KIRREL3: variants seen among roughly 807,000 people sequenced by gnomAD.
KIRREL3 encodes kin of IRRE-like protein 3.
A neutral mutation model predicts 89.7 loss-of-function variants in KIRREL3; 36 were observed. The observed-to-expected ratio is 0.40, with a 90% CI of 0.31 to 0.53. The LOEUF (loss-of-function observed/expected upper bound fraction) is 0.53. KIRREL3 is among the 20% of genes least tolerant of loss of function. The probability of loss-of-function intolerance (pLI) is 0.49; values close to 1 mark genes in which losing one functional copy is unlikely to be tolerated. For synonymous variants in KIRREL3, 445 were observed against 441.4 expected, an observed-to-expected ratio of 1.01 and a Z score of -0.10; for missense variants, 864 against 1,056.6, an observed-to-expected ratio of 0.82 and a Z score of 2.53.
At chr11:126,971,540 A>T (rs1949424786) in intron 1 of KIRREL3, among the ~76,000 whole-genome samples, 1 of 152,174 alleles carries the variant, frequency 6.6e-6, no homozygotes, top group Admixed American at 6.5e-5. Context: ...CCATAAAAAT[A>T]TGATCACATT....
chr11:126,648,412 C>T (rs939864976), intron 1 of KIRREL3, among the ~76,000 whole-genome samples: 1 of 152,158 alleles, frequency 6.6e-6, no homozygotes, highest in South Asian at 2.1e-4. Flanking sequence ...TGTCCTCGGT[C>T]CCTCCCCTGC....
At chr11:126,998,998 C>G (rs531206048) in intron 1 of KIRREL3, among the ~76,000 whole-genome samples, 1 of 143,456 alleles carries the variant, frequency 7.0e-6, no homozygotes, top group East Asian at 2.2e-4. Flanking sequence ...AGAGGGTAAT[C>G]TTACCAAATG....
chr11:126,447,518 G>A (rs965688378), intron 8 of KIRREL3, among the ~76,000 whole-genome samples: 8 of 152,206 alleles, frequency 5.3e-5, no homozygotes, highest in Admixed American at 2.6e-4. Flanking sequence ...TATTACAGCC[G>A]TTCCAGCCTC....
rs1253727374 is a variant in KIRREL3 at position 126,454,643 on chromosome 11, C to T, written c.848+1706G>A. The stretch of plus-strand genomic sequence containing the variant: ...AGAAACCCAGGCCTGGCAGGTGCAG[C>T]GTGGAAGCCTAGGGCCAGGGAGTCT... On this transcript the variant is annotated intron_variant, in intron 7 of 16. Transcript: ENST00000525144. This position sits in a 1 kb window ranked among gnomAD's most constrained non-coding sequence, Gnocchi z 5.8. Among the ~76,000 whole-genome samples, 1 of 152,050 alleles carries T rather than the reference C, an allele frequency of 6.6e-6. No homozygotes were observed. Among genetic ancestry groups the T allele is most frequent in the Non-Finnish European group, 1.5e-5 (1 of 67,998 alleles).
chr11:126,898,185 A>G lies in KIRREL3; in HGVS notation c.55+102270T>C, dbSNP rs942055644. Among the ~76,000 whole-genome samples, 1 of 152,108 alleles carries G rather than the reference A, an allele frequency of 6.6e-6. No homozygotes were observed. The highest frequency in any genetic ancestry group is 2.4e-5 in the African/African-American group (1 of 41,418). ...GGACAGGTGGAAGTAAAGAGTTAGG[A>G]TCAAAGCTGTTAGTAACAAGGACAA... On this transcript the variant is annotated intron_variant, in intron 1 of 16. Transcript: ENST00000525144. The surrounding 1 kb of genome is among the most constrained non-coding windows in gnomAD (Gnocchi z 4.9).
rs763206444 is a variant in KIRREL3, at chr11:126,594,472, A to G, written c.56-31560T>C. On this transcript the variant is annotated intron_variant, in intron 1 of 16. Transcript: ENST00000525144. The surrounding 1 kb of genome is among the most constrained non-coding windows in gnomAD (Gnocchi z 5.0). ...AGTTTGGAATCGCTGGAAACTGTCA[A>G]ATCTCAGCTCCTTCCACTTTTTTCG... Among the ~76,000 whole-genome samples, 15 of 152,136 alleles carry G rather than the reference A, an allele frequency of 9.9e-5. No homozygotes were observed. The highest frequency in any genetic ancestry group is 4.4e-5 in the Non-Finnish European group (3 of 68,020).
chr11:126,548,435 C>T (rs1439316558), intron 2 of KIRREL3, among the ~76,000 whole-genome samples: 2 of 152,240 alleles, frequency 1.3e-5, no homozygotes, highest in Non-Finnish European at 2.9e-5. Context: ...CAGCACTCCA[C>T]CCATGCCCTA....
rs938942742 is a variant in KIRREL3 at position 126,485,270 on chromosome 11, T to C, written c.434-11804A>G. 2.0e-5 allele frequency among the ~76,000 whole-genome samples: 3 copies of C among 152,132 alleles called. No individual in the cohort carries two copies. The highest frequency in any genetic ancestry group is 7.2e-5 in the African/African-American group (3 of 41,418). ...ATGGCATGTAGCTCAGAGGAAGGTG[T>C]GCTGGAGGCTGTTTCAGTTCTGCTC... On this transcript the variant is annotated intron_variant, in intron 4 of 16. Transcript: ENST00000525144. The surrounding 1 kb of genome is among the most constrained non-coding windows in gnomAD (Gnocchi z 5.8).
At position 126,668,197 on chromosome 11, in the gene KIRREL3, G is replaced by A. The variant is rs188374210; in HGVS notation, c.56-105285C>T. 8.5e-5 allele frequency among the ~76,000 whole-genome samples: 13 copies of A among 152,306 alleles called. No individual in the cohort carries two copies. The highest frequency in any genetic ancestry group is 1.6e-4 in the Non-Finnish European group (11 of 68,030). ...AAGGTGATGGCAGATTTGGTGACTGGTGAGGGCTGGCTTCTTCATAGGCAG... is the reference window on the plus strand; with the variant it reads ...AAGGTGATGGCAGATTTGGTGACTGATGAGGGCTGGCTTCTTCATAGGCAG... On this transcript the variant is annotated intron_variant, in intron 1 of 16. Transcript: ENST00000525144. This position sits in a 1 kb window ranked among gnomAD's most constrained non-coding sequence, Gnocchi z 4.4.
chr11:126,923,014 C>T (rs1173060755), intron 1 of KIRREL3, among the ~76,000 whole-genome samples: 1 of 152,228 alleles, frequency 6.6e-6, no homozygotes. Context: ...CGTGCCCTGG[C>T]TCCCATGGCA....
intron 5 of KIRREL3, among the ~76,000 whole-genome samples, chr11:126,466,569 C>T (rs1283720220): frequency 2.6e-5 from 4 of 152,234 alleles, no homozygotes; most frequent in African/African-American, 7.2e-5. Context: ...TTCTCTTCCC[C>T]CATTCCTTTC....
At chr11:126,784,607 C>T (rs550900083) in intron 1 of KIRREL3, among the ~76,000 whole-genome samples, 1 of 150,330 alleles carries the variant, frequency 6.7e-6, no homozygotes, top group East Asian at 2.0e-4. Flanking sequence ...AGCGCTTATC[C>T]TGCACCTGAA....
In KIRREL3 at chr11:126,501,476, G is replaced by A. The variant is rs1401593484; in HGVS notation, c.433+19839C>T. 1.3e-5 allele frequency among the ~76,000 whole-genome samples: 2 copies of A among 152,146 alleles called. No homozygotes were observed. The highest frequency in any genetic ancestry group is 1.5e-5 in the Non-Finnish European group (1 of 68,022). On this transcript the variant is annotated intron_variant, in intron 4 of 16. Coordinates refer to ENST00000525144, the MANE Select transcript of KIRREL3 (RefSeq NM_032531.4). This position sits in a 1 kb window ranked among gnomAD's most constrained non-coding sequence, Gnocchi z 5.8. ...GAGCGCAGGTCGAGCAGATTCTACC[G>A]CAGCCCGTCCTGGGTCCTGTTGATG...
chr11:126,784,900 A>G (rs1592124613), intron 1 of KIRREL3, among the ~76,000 whole-genome samples: 1 of 152,236 alleles, frequency 6.6e-6, no homozygotes, highest in East Asian at 1.9e-4. Context: ...ATGACTGTCA[A>G]GGAGAAACCC....
chr11:126,968,663 G>A (rs1949346898), intron 1 of KIRREL3, among the ~76,000 whole-genome samples: 1 of 152,206 alleles, frequency 6.6e-6, no homozygotes, highest in Non-Finnish European at 1.5e-5. Flanking sequence ...AGCTCCTCCT[G>A]AAGAAAGCTG....
rs78529473 is a variant in KIRREL3, at chr11:126,886,504, G to T, written c.55+113951C>A. ...GATAAACTTCATTTTTAAACTGAAG[G>T]TCTTCTGCCTGAAAACACAGCCATG... On this transcript the variant is annotated intron_variant, in intron 1 of 16. Transcript: ENST00000525144. Among the ~76,000 whole-genome samples, 541 of 152,268 alleles carry T rather than the reference G, an allele frequency of 3.6e-3. 1 individual carries two copies. The highest frequency in any genetic ancestry group is 6.1e-3 in the Non-Finnish European group (412 of 68,028).
chr11:126,504,630 G>A (rs1228703168), intron 4 of KIRREL3, among the ~76,000 whole-genome samples: 2 of 152,272 alleles, frequency 1.3e-5, no homozygotes, highest in Admixed American at 6.5e-5. Flanking sequence ...GAAAATAGAG[G>A]AGGAATAAAC....
chr11:126,524,394 T>C (rs1958686427), intron 3 of KIRREL3, among the ~76,000 whole-genome samples: 1 of 152,162 alleles, frequency 6.6e-6, no homozygotes, highest in African/African-American at 2.4e-5. Flanking sequence ...CTGGACCCTT[T>C]GGGGTTAACA....
chr11:126,904,426 T>A lies in KIRREL3; in HGVS notation c.55+96029A>T, dbSNP rs989248748. Reference sequence around the variant, plus strand: ...TAAGACTGATCACTAGTGGGGATAGTGCAACTGATAAAAGGAACCTGCTCC... The same window carrying A: ...TAAGACTGATCACTAGTGGGGATAGAGCAACTGATAAAAGGAACCTGCTCC... On this transcript the variant is annotated intron_variant, in intron 1 of 16. Coordinates refer to ENST00000525144, the MANE Select transcript of KIRREL3 (RefSeq NM_032531.4). The surrounding 1 kb of genome is among the most constrained non-coding windows in gnomAD (Gnocchi z 4.4). Among the ~76,000 whole-genome samples the A allele has an allele frequency of 6.6e-6, 1 of 152,216 alleles. No homozygotes were observed. The highest frequency in any genetic ancestry group is 1.5e-5 in the Non-Finnish European group (1 of 68,038).
Sources: gnomAD v4.1 joint callset for allele counts (sites outside exome capture counted in the v4.1 genomes callset) on GRCh38, gnomAD v4.1.1 for gene constraint, Gnocchi (gnomAD v3.1) non-coding constraint, MANE v1.5 for transcripts, NCBI Gene and HGNC (gene_info 2026-07-23, HGNC 2026-07-21) for gene names.